The following MINPP1 variants were observed in gnomAD, a reference collection of about 807,000 sequenced individuals.
MINPP1 encodes multiple inositol-polyphosphate phosphatase 1, also known as multiple inositol polyphosphate phosphatase 1.
MINPP1 carries 28 observed loss-of-function variants against 46.1 expected under a neutral mutation model. The observed-to-expected ratio is 0.61, with a 90% CI of 0.45 to 0.83. MINPP1 has a LOEUF of 0.83. Ranked by LOEUF, MINPP1 falls within the 40% of genes least tolerant of loss-of-function variation. The pLI, the probability that MINPP1 is intolerant of heterozygous loss-of-function variation, is 0.00. For synonymous variants in MINPP1, 268 were observed against 249.1 expected (o/e 1.08, Z -0.72); for missense variants, 603 against 610.0 (o/e 0.99, Z 0.12).
intron 4 of MINPP1, among the ~76,000 whole-genome samples, chr10:87,543,394 CT>C (rs1851843567): frequency 6.6e-6 from 1 of 152,160 alleles, no homozygotes; most frequent in Non-Finnish European, 1.5e-5. Flanking sequence ...TAGCTCATGC[CT>C]GTTAATTCCA....
chr10:87,550,772 T>G (rs1851951864), intron 4 of MINPP1, among the ~76,000 whole-genome samples: 1 of 151,752 alleles, frequency 6.6e-6, no homozygotes, highest in South Asian at 2.1e-4. Context: ...CCTTTATCTC[T>G]TCTGTCCCTC....
chr10:87,525,409 T>G lies in MINPP1; in HGVS notation c.1067+4240T>G, dbSNP rs762546273. ...AATATGTGGTTCTTTGTGACAGGCTTTTATGATTTAGCATCATATTTTTAA... is the reference window on the plus strand; with the variant it reads ...AATATGTGGTTCTTTGTGACAGGCTGTTATGATTTAGCATCATATTTTTAA... On this transcript the variant is annotated intron_variant, in intron 4 of 4. Transcript: ENST00000371996. Among the ~76,000 whole-genome samples, 13 of 152,250 alleles carry G rather than the reference T, an allele frequency of 8.5e-5. 1 individual carries two copies. The highest frequency in any genetic ancestry group is 3.2e-3 in the Middle Eastern group (1 of 316).
intron 4 of MINPP1, among the ~76,000 whole-genome samples, chr10:87,547,843 T>G (rs1851909508): frequency 6.6e-6 from 1 of 152,198 alleles, no homozygotes; most frequent in Non-Finnish European, 1.5e-5. Context: ...ACAGATTGAT[T>G]GATGGCTCTG....
At chr10:87,542,611 C>T (rs1851831769) in intron 4 of MINPP1, among the ~76,000 whole-genome samples, 1 of 152,112 alleles carries the variant, frequency 6.6e-6, no homozygotes, top group African/African-American at 2.4e-5. Flanking sequence ...GTCTTTAAAT[C>T]TTAAAGCTTC....
At chr10:87,539,259 C>G (rs1294428314) in intron 4 of MINPP1, among the ~76,000 whole-genome samples, 1 of 152,132 alleles carries the variant, frequency 6.6e-6, no homozygotes, top group South Asian at 2.1e-4. Flanking sequence ...TTTACATTTT[C>G]AAGCAAAATA....
At chr10:87,532,706 A>G (rs1415230744) in intron 4 of MINPP1, among the ~76,000 whole-genome samples, 3 of 152,264 alleles carry the variant, frequency 2.0e-5, no homozygotes, top group Non-Finnish European at 2.9e-5. Flanking sequence ...TCTCCTAAAA[A>G]CAGATTGACT....
chr10:87,526,635 A>T (rs972636422), intron 4 of MINPP1, among the ~76,000 whole-genome samples: 3 of 152,158 alleles, frequency 2.0e-5, no homozygotes, highest in African/African-American at 7.2e-5. Context: ...CTATGTCCTG[A>T]ATAGTACTGC....
intron 4 of MINPP1, among the ~76,000 whole-genome samples, chr10:87,535,779 A>T (rs1435348177): frequency 6.6e-6 from 1 of 151,654 alleles, no homozygotes; most frequent in African/African-American, 2.4e-5. Flanking sequence ...GAAAAAAAAA[A>T]TTAGCCAGGC....
chr10:87,528,990 T>C (rs1851618639), intron 4 of MINPP1, among the ~76,000 whole-genome samples: 1 of 152,216 alleles, frequency 6.6e-6, no homozygotes, highest in Non-Finnish European at 1.5e-5. Flanking sequence ...TTTTGATCTT[T>C]GCTGGTGTAA....
At chr10:87,510,625 G>T (rs1218620075) in intron 2 of MINPP1, among the ~76,000 whole-genome samples, 9 of 152,130 alleles carry the variant, frequency 5.9e-5, no homozygotes, top group Non-Finnish European at 7.4e-5. Flanking sequence ...GCCGAGTGCC[G>T]TGGCATAACC....
chr10:87,515,112 C>T (rs939716590), intron 3 of MINPP1, among the ~76,000 whole-genome samples: 6 of 151,418 alleles, frequency 4.0e-5, no homozygotes, highest in Admixed American at 2.0e-4. Context: ...CTTGGCCGGG[C>T]GTGGTGGTTC....
chr10:87,506,545 C>T (rs1247565227), intron 1 of MINPP1, among the ~76,000 whole-genome samples: 1 of 152,086 alleles, frequency 6.6e-6, no homozygotes, highest in Non-Finnish European at 1.5e-5. Flanking sequence ...ATAATTTGCC[C>T]ATTTTCATAC....
chr10:87,512,407 C>T (rs56405004), intron 2 of MINPP1, among the ~76,000 whole-genome samples: 4,252 of 152,152 alleles, frequency 0.028, 192 homozygotes, highest in African/African-American at 0.092. Context: ...GCTTCTCCTC[C>T]TTGGCTGTCT....
intron 3 of MINPP1, among the ~76,000 whole-genome samples, chr10:87,516,142 A>G (rs1283754915): frequency 9.6e-6 from 1 of 103,646 alleles, no homozygotes; most frequent in African/African-American, 2.9e-5. Flanking sequence ...AATGTTTTTT[A>G]CAATTAAAAA....
intron 2 of MINPP1, among the ~76,000 whole-genome samples, chr10:87,512,450 C>T: frequency 6.6e-6 from 1 of 152,030 alleles, no homozygotes. Context: ...TTACCTTGCA[C>T]TTCCTTCCCT....
At chr10:87,515,088 T>A (rs1455747525) in intron 3 of MINPP1, among the ~76,000 whole-genome samples, 1 of 151,962 alleles carries the variant, frequency 6.6e-6, no homozygotes, top group East Asian at 1.9e-4. Context: ...TTTTTCCTTG[T>A]AAATAAAGAA....
At position 87,521,136 on chromosome 10, in the gene MINPP1, A is replaced by G. The variant is rs1256613356; in HGVS notation, c.1034A>G (p.Gln345Arg). 4 of 1,611,756 alleles carry G rather than the reference A, an allele frequency of 2.5e-6. No individual in the cohort carries two copies. In the African/African-American group the frequency reaches 4.0e-5, roughly 16 times the overall value. Reference protein sequence around the residue: ...SSCTLFQDIFQHLDKAVEQKQ... With the variant: ...SSCTLFQDIFRHLDKAVEQKQ... ...TGCACCTTGTTTCAGGATATCTTTCAGCACTTGGACAAAGCAGTTGAACAG... is the reference window on the plus strand; with the variant it reads ...TGCACCTTGTTTCAGGATATCTTTCGGCACTTGGACAAAGCAGTTGAACAG... Residue 345 changes from glutamine to arginine, a missense_variant, in exon 4 of 5, where the codon CAG (glutamine) becomes CGG (arginine). Coordinates refer to ENST00000371996, the MANE Select transcript of MINPP1 (RefSeq NM_004897.5).
rs371959650 is a variant in MINPP1, at chr10:87,513,239, A to C, written c.933+18A>C. 68 of 1,598,542 alleles carry C rather than the reference A, an allele frequency of 4.3e-5. No homozygotes were observed. Among genetic ancestry groups the C allele is most frequent in the Non-Finnish European group, 5.7e-5 (67 of 1,167,092 alleles). ...ATGCAAAGGTAAGTATTATTTTTGC[A>C]GTTTCTTTGCTTTTTTAAAAAAATT... On this transcript the variant is annotated intron_variant, in intron 3 of 4. Transcript: ENST00000371996.
intron 4 of MINPP1, among the ~76,000 whole-genome samples, chr10:87,532,207 T>C (rs1266762253): frequency 6.6e-6 from 1 of 152,206 alleles, no homozygotes; most frequent in Non-Finnish European, 1.5e-5. Flanking sequence ...CTAACTTCCT[T>C]TTCATTGCAA....
Sources: gnomAD v4.1 joint callset for allele counts (sites outside exome capture counted in the v4.1 genomes callset) on GRCh38, gnomAD v4.1.1 for gene constraint, MANE v1.5 for transcripts, NCBI Gene and HGNC (gene_info 2026-07-23, HGNC 2026-07-21) for gene names.